SPATA31D1: variants seen among roughly 807,000 people sequenced by gnomAD.
The protein encoded by SPATA31D1 is spermatogenesis-associated protein 31D1.
A neutral mutation model predicts 13.2 loss-of-function variants in SPATA31D1; 6 were observed. The observed-to-expected ratio is 0.46, with a 90% CI of 0.25 to 0.90. The LOEUF is 0.90. Ranked by LOEUF, SPATA31D1 falls within the 40% of genes least tolerant of loss-of-function variation. The pLI is 0.18. For synonymous variants in SPATA31D1, 903 were observed against 718.8 expected (o/e 1.26, Z -4.10); for missense variants, 2,445 against 1,884.7 (o/e 1.30, Z -5.50).
At chr9:81,988,493 G>C (rs1426570297), upstream of SPATA31D1, among the ~76,000 whole-genome samples, 3 of 152,170 alleles carry the variant, frequency 2.0e-5, no homozygotes, top group African/African-American at 7.2e-5. Flanking sequence ...TCCAAGTTAA[G>C]AGCTCCAAAC....
chr9:81,992,238 G>A lies in SPATA31D1; in HGVS notation c.1768G>A (p.Ala590Thr). Reference sequence around the variant, plus strand: ...GGCTCAACCTCAATCTCCATTCCGAGCCCTACTACCTAGTCCTCTATTCCT... The same window carrying A: ...GGCTCAACCTCAATCTCCATTCCGAACCCTACTACCTAGTCCTCTATTCCT... ...SLAQPQSPFRALLPSPLFLIR... is the reference protein window; with the variant it reads ...SLAQPQSPFRTLLPSPLFLIR... Residue 590 changes from alanine (A) to threonine (T), a missense_variant, in exon 4 of 4, where the codon GCC becomes ACC. Ala to Thr is a moderately conservative substitution (Grantham distance 58). Transcript: ENST00000344803. The A allele has an allele frequency of 6.2e-7, 1 of 1,613,734 alleles. No homozygotes were observed. The highest frequency in any genetic ancestry group is 2.2e-5 in the East Asian group (1 of 44,880).
rs370326842 is a variant in SPATA31D1, at chr9:81,992,866, C to G, written c.2396C>G (p.Ser799Cys). ...PETSSDKDLR[S>C]NSERDLETHM... ...ACTTCTTCAGACAAGGATCTGAGGT[C>G]TAACTCTGAGAGAGACCTAGAAACT... Residue 799 changes from serine to cysteine, a missense_variant, in exon 4 of 4, where the codon TCT becomes TGT. Ser to Cys is a moderately radical substitution (Grantham distance 112). Coordinates refer to ENST00000344803, the MANE Select transcript of SPATA31D1 (RefSeq NM_001001670.3). The G allele has an allele frequency of 1.7e-5, 27 of 1,613,686 alleles. No homozygotes were observed. Among genetic ancestry groups the G allele is most frequent in the Non-Finnish European group, 2.3e-5 (27 of 1,179,724 alleles).
At position 81,992,311 on chromosome 9, in the gene SPATA31D1, G is replaced by A. The variant is rs558888712; in HGVS notation, c.1841G>A (p.Arg614Gln). ...TTTCATAGACCCCAGAACGAGGCAC[G>A]GTCTCTTTTGCCATCTGAAATTAAC... ...VCFHRPQNEA[R>Q]SLLPSEINHL... Residue 614 changes from arginine (R) to glutamine (Q), a missense_variant, in exon 4 of 4, where the codon CGG becomes CAG. Transcript: ENST00000344803. 1.5e-5 allele frequency: 25 copies of A among 1,613,776 alleles called. 1 individual carries two copies. The Middle Eastern group carries it at 5.0e-4, about 32-fold the overall frequency.
upstream of SPATA31D1, among the ~76,000 whole-genome samples, chr9:81,987,898 C>A (rs2133433795): frequency 6.6e-6 from 1 of 152,310 alleles, no homozygotes; most frequent in South Asian, 2.1e-4. Context: ...GGAGTTGGCA[C>A]AGAACAAGCT....
In SPATA31D1 at chr9:81,990,989, T is replaced by C. The variant is rs374620984; in HGVS notation, c.519T>C (p.Ala173=). Reference sequence around the variant, plus strand: ...CGACTGAGTCATCGTTCACTCTGGCTTCCACCCCCTCAGCAACCCCTCCAG... The same window carrying C: ...CGACTGAGTCATCGTTCACTCTGGCCTCCACCCCCTCAGCAACCCCTCCAG... ...ASATESSFTL[A]STPSATPPED... The change falls in exon 4 of 4, where the codon GCT becomes GCC. Residue 173 remains alanine (A), a synonymous_variant. Coordinates refer to ENST00000344803, the MANE Select transcript of SPATA31D1 (RefSeq NM_001001670.3). 4.0e-5 allele frequency: 65 copies of C among 1,613,616 alleles called. 1 individual carries two copies. The Middle Eastern group carries it at 9.9e-4, about 25-fold the overall frequency.
rs777581939 is a variant in SPATA31D1 at position 81,991,358 on chromosome 9, C to T, written c.888C>T (p.His296=). Residue 296 remains histidine (H), a synonymous_variant, in exon 4 of 4, where the codon CAC becomes CAT. Coordinates refer to ENST00000344803, the MANE Select transcript of SPATA31D1 (RefSeq NM_001001670.3). ...CCATTGATTCTTGTGCTCGTCATCACGGACCACCAATCCCATCTGCTTTAC... is the reference window on the plus strand; with the variant it reads ...CCATTGATTCTTGTGCTCGTCATCATGGACCACCAATCCCATCTGCTTTAC... The part of the protein sequence containing the change: ...MNPIDSCARH[H]GPPIPSALPP... The T allele has an allele frequency of 4.4e-5, 71 of 1,613,886 alleles. No individual in the cohort carries two copies. The highest frequency in any genetic ancestry group is 1.6e-4 in the African/African-American group (12 of 74,936).
rs113918441 is a variant in SPATA31D1 at position 81,991,054 on chromosome 9, C to T, written c.584C>T (p.Pro195Leu). ...ILSPRPKASP[P>L]PPLILSPDLI... ...TCCCCTCGGCCTAAGGCCTCTCCAC[C>T]ACCCCCCTTAATTCTCTCACCTGAC... The change falls in exon 4 of 4, where the codon CCA becomes CTA. Residue 195 changes from proline to leucine, a missense_variant. Coordinates refer to ENST00000344803, the MANE Select transcript of SPATA31D1 (RefSeq NM_001001670.3). 1.2e-6 allele frequency: 2 copies of T among 1,613,710 alleles called. No homozygotes were observed. The highest frequency in any genetic ancestry group is 3.3e-5 in the Admixed American group (2 of 60,012).
In SPATA31D1 at chr9:81,992,190, C is replaced by T; in HGVS notation, c.1720C>T (p.His574Tyr). 3 of 1,613,780 alleles carry T rather than the reference C, an allele frequency of 1.9e-6. No homozygotes were observed. Among genetic ancestry groups the T allele is most frequent in the Non-Finnish European group, 2.5e-6 (3 of 1,179,714 alleles). ...AACCCTGCCCCAAGGTCAGTCCCCA[C>T]ATCTCACTCAGGTGAAGTCCCTGGC... is the stretch of plus-strand genomic sequence containing the variant. ...PQTLPQGQSP[H>Y]LTQVKSLAQP... is the part of the protein sequence containing the mutation. Residue 574 changes from histidine to tyrosine, a missense_variant, in exon 4 of 4, where the codon CAT (histidine) becomes TAT (tyrosine). His to Tyr is a moderately conservative substitution (Grantham distance 83). Transcript: ENST00000344803.
intron 2 of SPATA31D1, 109 bp from the exon 3 acceptor site, chr9:81,990,308 C>T: frequency 1.3e-6 from 1 of 754,964 alleles, no homozygotes; most frequent in Non-Finnish European, 2.1e-6. Flanking sequence ...TTTCCCTTTT[C>T]TACTGATTCT....
chr9:81,993,803 C>T lies in SPATA31D1; in HGVS notation c.3333C>T (p.Cys1111=). The T allele has an allele frequency of 6.2e-7, 1 of 1,614,022 alleles. No individual in the cohort carries two copies. The highest frequency in any genetic ancestry group is 8.5e-7 in the Non-Finnish European group (1 of 1,179,904). ...AACAGACTGTACTGGCCAGTAGATGCAGCGCAGAGCTGCCCATAATGCAAG... is the reference window on the plus strand; with the variant it reads ...AACAGACTGTACTGGCCAGTAGATGTAGCGCAGAGCTGCCCATAATGCAAG... ...SQKQTVLASR[C]SAELPIMQAG... is the part of the protein sequence containing the mutation. Residue 1111 remains cysteine (C), a synonymous_variant, in exon 4 of 4, where the codon TGC becomes TGT. Transcript: ENST00000344803.
rs1305370739 is a variant in SPATA31D1, at chr9:81,993,158, T to C, written c.2688T>C (p.Ser896=). The C allele has an allele frequency of 1.2e-6, 2 of 1,613,960 alleles. No homozygotes were observed. Among genetic ancestry groups the C allele is most frequent in the East Asian group, 4.5e-5 (2 of 44,860 alleles). Residue 896 remains serine (S), a synonymous_variant, in exon 4 of 4, where the codon AGT becomes AGC. Transcript: ENST00000344803. The stretch of plus-strand genomic sequence containing the variant: ...CTTCCCAGGAAATTTCCTTCCTTAG[T>C]TCCAACAAACAAAAGATGTTGGAAG... ...VDTSQEISFL[S]SNKQKMLEAH...
At chr9:81,988,293 T>C (rs1824888840), upstream of SPATA31D1, among the ~76,000 whole-genome samples, 1 of 152,210 alleles carries the variant, frequency 6.6e-6, no homozygotes, top group South Asian at 2.1e-4. Context: ...AAAAATGTAA[T>C]GTTCAACATT....
intron 1 of SPATA31D1, 32 bp downstream of exon 1, chr9:81,989,036 A>T (rs755193605): frequency 1.0e-5 from 16 of 1,606,396 alleles, no homozygotes; most frequent in African/African-American, 4.0e-5. Flanking sequence ...CCCAAGAGAG[A>T]TGCCCTGTTG....
Position 81,993,383 on chromosome 9 carries a change from A to G in SPATA31D1, c.2913A>G (p.Gly971=). Residue 971 remains glycine (G), a synonymous_variant, in exon 4 of 4, where the codon GGA becomes GGG. Coordinates refer to ENST00000344803, the MANE Select transcript of SPATA31D1 (RefSeq NM_001001670.3). The part of the protein sequence containing the change: ...SKSRSRSTFQ[G]EKLGTTSSVP... ...CCCGTAGTCGAAGCACTTTTCAAGG[A>G]GAAAAGTTGGGAACAACAAGCTCAG... 3 of 1,614,002 alleles carry G rather than the reference A, an allele frequency of 1.9e-6. No individual in the cohort carries two copies. The highest frequency in any genetic ancestry group is 2.5e-6 in the Non-Finnish European group (3 of 1,179,904).
In SPATA31D1 at chr9:81,991,685, A is replaced by T. The variant is rs754837777; in HGVS notation, c.1215A>T (p.Ser405=). The T allele has an allele frequency of 3.1e-5, 50 of 1,613,652 alleles. No homozygotes were observed. The South Asian group carries it at 3.2e-4, about 10-fold the overall frequency. ...ACCTCATAGAGCCTGTTAACATCTC[A>T]TTTCTCAGCCATGACATTCTGGCAC... ...VANLIEPVNI[S]FLSHDILALL... Residue 405 remains serine, a synonymous_variant, in exon 4 of 4, where the codon TCA becomes TCT. Coordinates refer to ENST00000344803, the MANE Select transcript of SPATA31D1 (RefSeq NM_001001670.3).
At chr9:81,988,205 C>T (rs1466440224), upstream of SPATA31D1, among the ~76,000 whole-genome samples, 1 of 152,182 alleles carries the variant, frequency 6.6e-6, no homozygotes, top group Non-Finnish European at 1.5e-5. Context: ...CAGTGAGCTT[C>T]TTTTCCTTGA....
In SPATA31D1 at chr9:81,994,396, C is replaced by T. The variant is rs189040038; in HGVS notation, c.3926C>T (p.Ala1309Val). ...GGAGGAGAGCTTGATGGAGGGGATG[C>T]AGGGCTGGGGACATCCCAACGCAGG... Reference protein sequence around the residue: ...PKGGELDGGDAGLGTSQRRRK... With the variant: ...PKGGELDGGDVGLGTSQRRRK... The change falls in exon 4 of 4, where the codon GCA becomes GTA. Residue 1309 changes from alanine to valine, a missense_variant. Coordinates refer to ENST00000344803, the MANE Select transcript of SPATA31D1 (RefSeq NM_001001670.3). 160 of 1,613,914 alleles carry T rather than the reference C, an allele frequency of 9.9e-5. No individual in the cohort carries two copies. The Admixed American group carries it at 2.6e-3, about 26-fold the overall frequency.
At position 81,991,298 on chromosome 9, in the gene SPATA31D1, C is replaced by T; in HGVS notation, c.828C>T (p.Ser276=). The change falls in exon 4 of 4, where the codon TCC becomes TCT. Residue 276 remains serine, a synonymous_variant. Transcript: ENST00000344803. The part of the protein sequence containing the change: ...LSLNTIFSFG[S]TLCQDISQAM... Reference sequence around the variant, plus strand: ...TGAACACCATCTTTTCATTTGGCTCCACCCTATGCCAAGATATTTCGCAGG... The same window carrying T: ...TGAACACCATCTTTTCATTTGGCTCTACCCTATGCCAAGATATTTCGCAGG... 1 of 1,614,030 alleles carries T rather than the reference C, an allele frequency of 6.2e-7. No individual in the cohort carries two copies. The highest frequency in any genetic ancestry group is 8.5e-7 in the Non-Finnish European group (1 of 1,179,892).
In SPATA31D1 at chr9:81,992,029, T is replaced by G. The variant is rs1253344026; in HGVS notation, c.1559T>G (p.Leu520Arg). The stretch of plus-strand genomic sequence containing the variant: ...AGCGAGTCTCTGCATCCTACTGTTC[T>G]TGTCCAACGTGGCCATTCCTCCATG... Reference protein sequence around the residue: ...LHSESLHPTVLVQRGHSSMFV... With the variant: ...LHSESLHPTVRVQRGHSSMFV... The change falls in exon 4 of 4, where the codon CTT becomes CGT. Residue 520 changes from leucine (L) to arginine (R), a missense_variant. By Grantham distance (102) the Leu-to-Arg change is moderately radical (BLOSUM62 -2). Transcript: ENST00000344803. 6.2e-7 allele frequency: 1 copy of G among 1,613,822 alleles called. No homozygotes were observed. Among genetic ancestry groups the G allele is most frequent in the African/African-American group, 1.3e-5 (1 of 75,058 alleles).
Sources: gnomAD v4.1 joint callset for allele counts (sites outside exome capture counted in the v4.1 genomes callset) on GRCh38, gnomAD v4.1.1 for gene constraint, MANE v1.5 for transcripts, NCBI Gene and HGNC (gene_info 2026-07-23, HGNC 2026-07-21) for gene names.